Variants in MCPH1 observed in about 807,000 individuals in gnomAD.
MCPH1 encodes the protein microcephalin.
Under a neutral mutation model 84.5 loss-of-function variants are expected in MCPH1, and 104 were observed. That is an observed-to-expected ratio of 1.23 (90% confidence interval 1.05 to 1.45). The LOEUF (loss-of-function observed/expected upper bound fraction) is 1.45, where lower values mean the gene tolerates loss of function less well. Among genes scored for constraint, MCPH1 ranks in the 40% most tolerant of loss-of-function variants. The pLI is 0.00. For synonymous variants in MCPH1, 514 were observed against 366.8 expected (o/e 1.40, Z -4.58); for missense variants, 1,498 against 1,005.7 (o/e 1.49, Z -6.62).
At chr8:6,612,196 G>A (rs913813442) in intron 12 of MCPH1, among the ~76,000 whole-genome samples, 11 of 152,218 alleles carry the variant, frequency 7.2e-5, no homozygotes, top group South Asian at 6.2e-4. Context: ...AGGAACCCGG[G>A]GCAGAAACCA....
At position 6,454,346 on chromosome 8, in the gene MCPH1, C is replaced by G. The variant is rs79495226; in HGVS notation, c.1826-797C>G. ...ACCTGCCTGGCAGGTTCTAGTACCCCCTAGGCTGCTACATAACTTTTGCGT... is the reference window on the plus strand; with the variant it reads ...ACCTGCCTGGCAGGTTCTAGTACCCGCTAGGCTGCTACATAACTTTTGCGT... On this transcript the variant is annotated intron_variant, in intron 8 of 13. Transcript: ENST00000344683. Among the ~76,000 whole-genome samples, 737 of 152,242 alleles carry G rather than the reference C, an allele frequency of 4.8e-3. 8 individuals are homozygous for G. The highest frequency in any genetic ancestry group is 0.016 in the African/African-American group (663 of 41,530).
chr8:6,604,079 A>G (rs893883504), intron 12 of MCPH1, among the ~76,000 whole-genome samples: 4 of 151,602 alleles, frequency 2.6e-5, no homozygotes, highest in African/African-American at 9.7e-5. Flanking sequence ...GGAAACAGGC[A>G]CACTCTGCTG....
intron 12 of MCPH1, chr8:6,520,005 A>T (rs1199365528): frequency 2.5e-6 from 4 of 1,612,522 alleles, no homozygotes; most frequent in East Asian, 2.2e-5. Context: ...CTTTTAAAAA[A>T]TAGTAAGGCA....
At chr8:6,542,090 G>T (rs1821694325) in intron 12 of MCPH1, among the ~76,000 whole-genome samples, 1 of 151,794 alleles carries the variant, frequency 6.6e-6, no homozygotes, top group Admixed American at 6.6e-5. Flanking sequence ...TGAGATTGAT[G>T]CATTTAGGCT....
intron 12 of MCPH1, among the ~76,000 whole-genome samples, chr8:6,552,970 C>T (rs1823923496): frequency 6.6e-6 from 1 of 152,204 alleles, no homozygotes; most frequent in Admixed American, 6.5e-5. Context: ...AAGGGCTGTG[C>T]AGGTAGAGCA....
At chr8:6,574,827 A>G (rs1826938002) in intron 12 of MCPH1, among the ~76,000 whole-genome samples, 1 of 152,220 alleles carries the variant, frequency 6.6e-6, no homozygotes, top group Admixed American at 6.5e-5. Flanking sequence ...TCCAAATTCC[A>G]GAAGAAGGGA....
chr8:6,610,026 G>A (rs957560640), intron 12 of MCPH1, among the ~76,000 whole-genome samples: 1 of 152,156 alleles, frequency 6.6e-6, no homozygotes, highest in Non-Finnish European at 1.5e-5. Context: ...GATACTCCCA[G>A]GCCTGACAAC....
intron 12 of MCPH1, chr8:6,508,354 A>G (rs376985021): frequency 6.5e-6 from 1 of 153,782 alleles, no homozygotes; most frequent in East Asian, 1.9e-4. Flanking sequence ...AGGCTGAGGC[A>G]GGAGAATCGC....
At chr8:6,426,841 C>G (rs983593087) in intron 3 of MCPH1, among the ~76,000 whole-genome samples, 1 of 151,764 alleles carries the variant, frequency 6.6e-6, no homozygotes, top group Admixed American at 6.6e-5. Flanking sequence ...TTTTTCCCAA[C>G]ATTGTTTTAA....
chr8:6,471,163 C>T (rs1345876269), intron 9 of MCPH1, among the ~76,000 whole-genome samples: 1 of 152,156 alleles, frequency 6.6e-6, no homozygotes, highest in Non-Finnish European at 1.5e-5. Flanking sequence ...AGGCTGAGAA[C>T]ACCGTAAGCA....
chr8:6,536,142 T>C (rs1563084998), intron 12 of MCPH1, among the ~76,000 whole-genome samples: 1 of 152,202 alleles, frequency 6.6e-6, no homozygotes, highest in Non-Finnish European at 1.5e-5. Flanking sequence ...AAGAGAAATA[T>C]ATGATGTGAC....
intron 5 of MCPH1, among the ~76,000 whole-genome samples, chr8:6,438,253 G>A (rs1316435483): frequency 1.3e-5 from 2 of 152,132 alleles, no homozygotes; most frequent in African/African-American, 4.8e-5. Flanking sequence ...AAAACTATAT[G>A]TATAAAGTAT....
At chr8:6,590,726 G>T (rs1210753632) in intron 12 of MCPH1, among the ~76,000 whole-genome samples, 1 of 152,218 alleles carries the variant, frequency 6.6e-6, no homozygotes, top group Non-Finnish European at 1.5e-5. Context: ...TAACTCATTT[G>T]ATTCTTGCAG....
At chr8:6,607,613 T>C (rs867798815) in intron 12 of MCPH1, among the ~76,000 whole-genome samples, 3 of 152,050 alleles carry the variant, frequency 2.0e-5, no homozygotes, top group Non-Finnish European at 2.9e-5. Context: ...CCATGTGTTA[T>C]GGGAGGGAAC....
At position 6,422,951 on chromosome 8, in the gene MCPH1, G is replaced by C. The variant is rs149507698; in HGVS notation, c.233+8068G>C. Reference sequence around the variant, plus strand: ...GATCCGCCCTCCTCGGTCTCCCAAAGTGCTAGGATTACAGGCGTGAGCCAC... The same window carrying C: ...GATCCGCCCTCCTCGGTCTCCCAAACTGCTAGGATTACAGGCGTGAGCCAC... On this transcript the variant is annotated intron_variant, in intron 3 of 13. Transcript: ENST00000344683. Among the ~76,000 whole-genome samples the C allele has an allele frequency of 1.6e-3, 236 of 151,738 alleles. 1 individual carries two copies. Among genetic ancestry groups the C allele is most frequent in the Middle Eastern group, 6.9e-3 (2 of 290 alleles).
In MCPH1 at chr8:6,643,466, T is replaced by C. The variant is rs1798061812; in HGVS notation, c.*417T>C. 1 of 243,048 alleles carries C rather than the reference T, an allele frequency of 4.1e-6. No homozygotes were observed. The highest frequency in any genetic ancestry group is 8.1e-6 in the Non-Finnish European group (1 of 122,908). 15.1% of individuals were successfully genotyped at this position (243,048 alleles called of 1,614,324 possible). On this transcript the variant is annotated 3_prime_UTR_variant, in exon 14 of 14. Transcript: ENST00000344683. ...TTTTAGTAGAGACAGGGTTTCGCCA[T>C]GTTGGCCAGGCTGGTCTCAAACGCC...
chr8:6,430,433 G>C (rs757491472), intron 3 of MCPH1, among the ~76,000 whole-genome samples: 3 of 152,186 alleles, frequency 2.0e-5, no homozygotes, highest in Non-Finnish European at 4.4e-5. Flanking sequence ...AGATAGTATT[G>C]ACTTTACACA....
intron 2 of MCPH1, among the ~76,000 whole-genome samples, chr8:6,412,053 A>G (rs909288854): frequency 3.9e-5 from 6 of 152,110 alleles, no homozygotes. Flanking sequence ...TGGGTATAAA[A>G]CTTAAGAGGC....
intron 11 of MCPH1, among the ~76,000 whole-genome samples, chr8:6,491,154 A>G (rs967930334): frequency 1.3e-5 from 2 of 151,510 alleles, no homozygotes; most frequent in African/African-American, 2.4e-5. Flanking sequence ...AGTGTCATAC[A>G]TTTCTTAAAA....
Sources: allele counts gnomAD v4.1 joint callset (sites outside exome capture counted in the v4.1 genomes callset), GRCh38; gene constraint gnomAD v4.1.1; transcripts MANE v1.5; gene names NCBI Gene and HGNC (gene_info 2026-07-23, HGNC 2026-07-21).